Variants in RERE observed in about 807,000 individuals in gnomAD.
RERE encodes arginine-glutamic acid dipeptide repeats, also known as arginine-glutamic acid dipeptide repeats protein.
A neutral mutation model predicts 146.1 loss-of-function variants in RERE; 40 were observed. That is an observed-to-expected ratio of 0.27 (90% confidence interval 0.21 to 0.36). The LOEUF (loss-of-function observed/expected upper bound fraction) is 0.36, where lower values mean the gene tolerates loss of function less well. Ranked by LOEUF, RERE falls within the 10% of genes least tolerant of loss-of-function variation. The pLI, the probability that RERE is intolerant of heterozygous loss-of-function variation, is 1.00. For missense variants in RERE, 1,933 were observed against 2,138.7 expected (o/e 0.90, Z 1.90); for synonymous variants, 1,003 against 866.0 (o/e 1.16, Z -2.78).
chr1:8,490,198 G>T lies in RERE; in HGVS notation c.1104+4865C>A, dbSNP rs141246537. Among the ~76,000 whole-genome samples the T allele has an allele frequency of 7.5e-3, 1,071 of 143,456 alleles. 13 individuals are homozygous for T. The highest frequency in any genetic ancestry group is 0.03 in the African/African-American group (1,010 of 33,764). The allele number at this position is 143,456 out of a possible 152,430, so 94.1% of individuals were successfully genotyped here. On this transcript the variant is annotated intron_variant, in intron 10 of 22. Transcript: ENST00000400908. The stretch of plus-strand genomic sequence containing the variant: ...CAACGTGGTGAAATCCTGTCTCTAC[G>T]AAAAATACAAAAAAATTAGCTGGAC...
At chr1:8,470,262 ATTTT>A (rs781084318) in intron 10 of RERE, among the ~76,000 whole-genome samples, 1 of 151,700 alleles carries the variant, frequency 6.6e-6, no homozygotes, top group African/African-American at 2.4e-5. Context: ...AAAGTGACAA[ATTTT>A]TTTCTTTCTT....
intron 12 of RERE, among the ~76,000 whole-genome samples, chr1:8,377,129 T>C (rs1446388700): frequency 6.6e-6 from 1 of 152,184 alleles, no homozygotes; most frequent in African/African-American, 2.4e-5. Flanking sequence ...AAGGCAAAGA[T>C]TGAGGCCACT....
intron 2 of RERE, among the ~76,000 whole-genome samples, chr1:8,630,017 T>A (rs1170158063): frequency 6.6e-6 from 1 of 152,164 alleles, no homozygotes; most frequent in Non-Finnish European, 1.5e-5. Flanking sequence ...TTTCTGTTTC[T>A]CCTCTACATG....
At chr1:8,709,813 G>A (rs1487915652) in intron 1 of RERE, among the ~76,000 whole-genome samples, 1 of 152,144 alleles carries the variant, frequency 6.6e-6, no homozygotes, top group Non-Finnish European at 1.5e-5. Context: ...TTTCTACACT[G>A]AAGGAATCCC....
At chr1:8,757,871 TAA>T (rs1020250405) in intron 1 of RERE, among the ~76,000 whole-genome samples, 2 of 151,852 alleles carry the variant, frequency 1.3e-5, no homozygotes, top group African/African-American at 4.8e-5. Flanking sequence ...GATGAATGGA[TAA>T]AGTCACATAC....
chr1:8,771,788 T>C (rs572743293), intron 1 of RERE, among the ~76,000 whole-genome samples: 2 of 147,670 alleles, frequency 1.4e-5, no homozygotes, highest in East Asian at 4.1e-4. Flanking sequence ...CGGGTGCCTG[T>C]AGTCCCAGCT....
At chr1:8,577,011 T>C (rs1646302989) in intron 4 of RERE, among the ~76,000 whole-genome samples, 1 of 151,892 alleles carries the variant, frequency 6.6e-6, no homozygotes, top group Admixed American at 6.5e-5. Context: ...CTACTAAAAA[T>C]ACAAAAAAAT....
chr1:8,454,602 C>T (rs557311330), intron 11 of RERE, among the ~76,000 whole-genome samples: 16 of 151,998 alleles, frequency 1.1e-4, no homozygotes, highest in African/African-American at 3.6e-4. Flanking sequence ...GTCAGAAGTT[C>T]GAGACCAGCC....
chr1:8,366,781 C>T (rs1641817772), intron 12 of RERE, among the ~76,000 whole-genome samples: 1 of 152,026 alleles, frequency 6.6e-6, no homozygotes, highest in Non-Finnish European at 1.5e-5. Flanking sequence ...CAAATGTAAG[C>T]TTTTTAAAGA....
intron 12 of RERE, among the ~76,000 whole-genome samples, chr1:8,394,805 ATAT>A (rs1469253140): frequency 6.6e-6 from 1 of 152,186 alleles, no homozygotes; most frequent in African/African-American, 2.4e-5. Context: ...GTATATATAT[ATAT>A]TATATCTCCA....
intron 4 of RERE, among the ~76,000 whole-genome samples, chr1:8,609,091 G>C (rs749018037): frequency 4.6e-5 from 7 of 152,116 alleles, no homozygotes; most frequent in Non-Finnish European, 7.4e-5. Flanking sequence ...GGTGGCACAC[G>C]CCTGTAATCT....
intron 4 of RERE, among the ~76,000 whole-genome samples, chr1:8,564,258 C>A (rs1646112712): frequency 2.6e-5 from 4 of 152,148 alleles, no homozygotes; most frequent in Admixed American, 2.6e-4. Context: ...ATACCTGGGA[C>A]CAGAGGTGTT....
intron 12 of RERE, among the ~76,000 whole-genome samples, chr1:8,367,888 G>A (rs898922203): frequency 2.6e-5 from 4 of 152,272 alleles, no homozygotes; most frequent in South Asian, 2.1e-4. Context: ...TTGGCTAGAC[G>A]GAAAAGATTC....
In RERE at chr1:8,654,625, G is replaced by GT. The variant is rs1457159066; in HGVS notation, c.325+1347dup. Among the ~76,000 whole-genome samples the GT allele has an allele frequency of 2.1e-3, 317 of 148,108 alleles. 2 individuals are homozygous for GT. Among genetic ancestry groups the GT allele is most frequent in the African/African-American group, 7.6e-3 (304 of 40,012 alleles). ...ACTGGCTTCTGTAAGAAAGGATCTT[G>GT]TTTTGTTTTTTTTTGTTTTTTTTTT... On this transcript the variant is annotated intron_variant, in intron 2 of 22. Coordinates refer to ENST00000400908, the MANE Select transcript of RERE (RefSeq NM_001042681.2).
chr1:8,593,388 G>A (rs1570480621), intron 4 of RERE, among the ~76,000 whole-genome samples: 1 of 152,158 alleles, frequency 6.6e-6, no homozygotes, highest in Non-Finnish European at 1.5e-5. Flanking sequence ...TTCGTGTGCT[G>A]TTCTTGTGAT....
At chr1:8,620,635 T>C (rs1414593034) in intron 3 of RERE, among the ~76,000 whole-genome samples, 2 of 152,270 alleles carry the variant, frequency 1.3e-5, no homozygotes, top group African/African-American at 4.8e-5. Context: ...TCCGTATTAC[T>C]AGTCCTTCAA....
At chr1:8,503,650 T>C (rs1645211628) in intron 8 of RERE, among the ~76,000 whole-genome samples, 1 of 152,164 alleles carries the variant, frequency 6.6e-6, no homozygotes, top group Admixed American at 6.5e-5. Flanking sequence ...TTATTATTTA[T>C]CTAAGAAGGG....
intron 12 of RERE, among the ~76,000 whole-genome samples, chr1:8,381,603 T>A (rs1642461491): frequency 6.6e-6 from 1 of 152,210 alleles, no homozygotes; most frequent in Non-Finnish European, 1.5e-5. Context: ...TCCCTTAATT[T>A]ATCTGTACAT....
intron 4 of RERE, among the ~76,000 whole-genome samples, chr1:8,560,780 C>T (rs1177407887): frequency 6.6e-6 from 1 of 152,154 alleles, no homozygotes; most frequent in African/African-American, 2.4e-5. Flanking sequence ...TACTTCTTCA[C>T]CAGAACTTGG....
Sources: allele counts gnomAD v4.1 joint callset (sites outside exome capture counted in the v4.1 genomes callset), GRCh38; gene constraint gnomAD v4.1.1; transcripts MANE v1.5; gene names NCBI Gene and HGNC (gene_info 2026-07-23, HGNC 2026-07-21).